SUGCT: variants seen among roughly 807,000 people sequenced by gnomAD.
The protein encoded by SUGCT is succinyl-CoA:glutarate CoA-transferase.
Under a neutral mutation model 55.0 loss-of-function variants are expected in SUGCT, and 41 were observed. The observed-to-expected ratio is 0.74, with a 90% CI of 0.58 to 0.97. The LOEUF is 0.97. SUGCT is among the 50% of genes least tolerant of loss of function. The pLI, the probability that SUGCT is intolerant of heterozygous loss-of-function variation, is 0.00. For missense variants in SUGCT, 568 were observed against 547.8 expected (o/e 1.04, Z -0.37); for synonymous variants, 187 against 200.4 (o/e 0.93, Z 0.56).
chr7:40,880,992 CAT>C, the SUGCT span, among the ~76,000 whole-genome samples: 2 of 152,226 alleles, frequency 1.3e-5, no homozygotes, highest in East Asian at 3.8e-4. Context: ...GTTGTACAAG[CAT>C]ATGTGTCTCA....
At chr7:40,453,595 G>C (rs73324068) in intron 10 of SUGCT, among the ~76,000 whole-genome samples, 21,412 of 152,184 alleles carry the variant, frequency 0.14, 3,808 homozygotes, top group African/African-American at 0.42. Context: ...CACTGCAAAG[G>C]CTTTGAAACC....
intron 9 of SUGCT, among the ~76,000 whole-genome samples, chr7:40,327,158 A>G (rs978068730): frequency 1.1e-4 from 17 of 152,162 alleles, no homozygotes; most frequent in Admixed American, 1.1e-3. Context: ...CAGCCCCTTT[A>G]GTTCTAAAGT....
At chr7:41,009,269 G>T in the SUGCT span, among the ~76,000 whole-genome samples, 4 of 149,792 alleles carry the variant, frequency 2.7e-5, no homozygotes, top group Non-Finnish European at 5.9e-5. Context: ...TGAAAGATTC[G>T]ATTTCACAGT....
chr7:40,349,907 T>C (rs1797525690), intron 9 of SUGCT, among the ~76,000 whole-genome samples: 2 of 152,322 alleles, frequency 1.3e-5, no homozygotes, highest in African/African-American at 4.8e-5. Context: ...AGTCTGGTCT[T>C]GAACTTTTGA....
At chr7:40,771,427 A>G (rs1382095267) in intron 13 of SUGCT, among the ~76,000 whole-genome samples, 1 of 151,844 alleles carries the variant, frequency 6.6e-6, no homozygotes, top group South Asian at 2.1e-4. Context: ...ATTTTCTAGC[A>G]TTTTTTTTCT....
At chr7:40,604,644 C>T (rs879487430) in intron 12 of SUGCT, among the ~76,000 whole-genome samples, 7 of 152,136 alleles carry the variant, frequency 4.6e-5, no homozygotes, top group Admixed American at 1.3e-4. Flanking sequence ...AAACCCCCAC[C>T]TTGATCGTCC....
intron 9 of SUGCT, among the ~76,000 whole-genome samples, chr7:40,368,116 T>C (rs1056085337): frequency 6.6e-6 from 1 of 152,182 alleles, no homozygotes; most frequent in Non-Finnish European, 1.5e-5. Context: ...AAAGTCTTCC[T>C]TGACCTCTTA....
At chr7:40,981,655 A>T in the SUGCT span, among the ~76,000 whole-genome samples, 1 of 152,172 alleles carries the variant, frequency 6.6e-6, no homozygotes, top group Admixed American at 6.5e-5. Flanking sequence ...CACTCCTTCA[A>T]TACTTGGATT....
At chr7:40,582,848 T>C (rs2151714826) in intron 12 of SUGCT, among the ~76,000 whole-genome samples, 1 of 152,274 alleles carries the variant, frequency 6.6e-6, no homozygotes, top group South Asian at 2.1e-4. Context: ...ATCCAAAAAG[T>C]TTAGAAAAGT....
intron 9 of SUGCT, among the ~76,000 whole-genome samples, chr7:40,420,830 C>T (rs866678714): frequency 2.6e-5 from 4 of 152,092 alleles, no homozygotes; most frequent in African/African-American, 9.7e-5. Flanking sequence ...CACACACCCA[C>T]ACACTATATA....
At chr7:40,418,061 C>A (rs1236695468) in intron 9 of SUGCT, among the ~76,000 whole-genome samples, 2 of 152,058 alleles carry the variant, frequency 1.3e-5, no homozygotes, top group Non-Finnish European at 2.9e-5. Flanking sequence ...TGAACACAGC[C>A]CTAAATTTTT....
intron 12 of SUGCT, among the ~76,000 whole-genome samples, chr7:40,615,031 G>T (rs1798930489): frequency 6.6e-6 from 1 of 150,716 alleles, no homozygotes; most frequent in Non-Finnish European, 1.5e-5. Context: ...CCTCCAGCCT[G>T]GGCAACAAAC....
At chr7:40,138,841 T>C (rs964837902) in intron 1 of SUGCT, among the ~76,000 whole-genome samples, 12 of 152,230 alleles carry the variant, frequency 7.9e-5, no homozygotes, top group African/African-American at 2.4e-4. Context: ...TGACTCTTAA[T>C]AGACAATTCT....
rs774144146 is a variant in SUGCT, at chr7:40,180,968, T to C, written c.122T>C (p.Leu41Ser). The C allele has an allele frequency of 1.9e-6, 3 of 1,610,560 alleles. No homozygotes were observed. In the African/African-American group the frequency reaches 4.0e-5, roughly 22 times the overall value. The change falls in exon 2 of 14, where the codon TTG becomes TCG. Residue 41 changes from leucine to serine, a missense_variant. Leu to Ser is a moderately radical substitution (Grantham distance 145). Transcript: ENST00000335693. ...PQSDMNNIKP[L>S]EGVKILDLTR... ...CCAGATATGAACAATATAAAGCCAT[T>C]GGAAGGGGTAAAAATTCTGGATCTA...
At chr7:40,669,449 AATT>A (rs1326665883) in intron 12 of SUGCT, among the ~76,000 whole-genome samples, 72 of 152,172 alleles carry the variant, frequency 4.7e-4, no homozygotes, top group African/African-American at 1.6e-3. Context: ...GAGATGCTAG[AATT>A]ATATGACAAA....
chr7:40,383,466 T>C (rs192577766), intron 9 of SUGCT, among the ~76,000 whole-genome samples: 31 of 152,336 alleles, frequency 2.0e-4, no homozygotes, highest in Middle Eastern at 6.8e-3. Context: ...TTATTTATTT[T>C]TTCATCTTAA....
At chr7:40,923,085 C>G in the SUGCT span, among the ~76,000 whole-genome samples, 1 of 152,120 alleles carries the variant, frequency 6.6e-6, no homozygotes, top group Non-Finnish European at 1.5e-5. Context: ...GTTGGAGCCT[C>G]TATAAAATAG....
chr7:40,708,241 G>A (rs1296561068), intron 12 of SUGCT, among the ~76,000 whole-genome samples: 1 of 152,084 alleles, frequency 6.6e-6, no homozygotes, highest in East Asian at 1.9e-4. Context: ...GTGCTTTAAT[G>A]GTGTCCTATA....
intron 1 of SUGCT, among the ~76,000 whole-genome samples, chr7:40,169,767 A>G (rs558623398): frequency 6.6e-6 from 1 of 150,514 alleles, no homozygotes; most frequent in Admixed American, 6.6e-5. Context: ...CATTTGTCCC[A>G]TTCTGCCTGC....
Sources: gnomAD v4.1 joint callset for allele counts (sites outside exome capture counted in the v4.1 genomes callset) on GRCh38, gnomAD v4.1.1 for gene constraint, MANE v1.5 for transcripts, NCBI Gene and HGNC (gene_info 2026-07-23, HGNC 2026-07-21) for gene names.